Variants in PDSS2 observed in about 807,000 individuals in gnomAD.
PDSS2 encodes the protein decaprenyl diphosphate synthase subunit 2, also known as all trans-polyprenyl-diphosphate synthase PDSS2.
PDSS2 carries 31 observed loss-of-function variants against 44.5 expected under a neutral mutation model. The ratio of observed to expected loss-of-function variants is 0.70; its 90% CI spans 0.52 to 0.94. PDSS2 has a LOEUF of 0.94. Ranked by LOEUF, PDSS2 falls within the 40% of genes least tolerant of loss-of-function variation. PDSS2 has a pLI of 0.00. For synonymous variants in PDSS2, 157 were observed against 180.3 expected (o/e 0.87, Z 1.03); for missense variants, 452 against 482.2 (o/e 0.94, Z 0.59).
chr6:107,192,243 A>G (rs1297739122), intron 7 of PDSS2: 1 of 368,478 alleles, frequency 2.7e-6, no homozygotes, highest in East Asian at 7.2e-5. Context: ...CCCTTGGTTT[A>G]CAGGTGCTCC....
intron 2 of PDSS2, among the ~76,000 whole-genome samples, chr6:107,332,240 G>A (rs989770820): frequency 9.9e-5 from 15 of 151,966 alleles, no homozygotes; most frequent in African/African-American, 3.1e-4. Flanking sequence ...GAATAGCTGG[G>A]ACTACAGGCA....
chr6:107,423,577 A>G (rs1780894521), intron 1 of PDSS2, among the ~76,000 whole-genome samples: 1 of 152,188 alleles, frequency 6.6e-6, no homozygotes, highest in South Asian at 2.1e-4. Context: ...TCCAAGTTTA[A>G]TAATAAAATA....
intron 2 of PDSS2, among the ~76,000 whole-genome samples, chr6:107,309,421 A>G (rs1562452332): frequency 6.6e-6 from 1 of 152,120 alleles, no homozygotes; most frequent in Admixed American, 6.6e-5. Context: ...TACAGACAAC[A>G]CTCTGGCAAG....
chr6:107,227,452 C>T (rs1773873556), intron 4 of PDSS2, among the ~76,000 whole-genome samples: 1 of 149,184 alleles, frequency 6.7e-6, no homozygotes, highest in African/African-American at 2.5e-5. Flanking sequence ...CCACACTTGG[C>T]TAATTTTTAT....
intron 3 of PDSS2, among the ~76,000 whole-genome samples, chr6:107,251,916 A>C (rs1173079892): frequency 6.6e-6 from 1 of 152,200 alleles, no homozygotes; most frequent in East Asian, 1.9e-4. Context: ...TAGAGGGACT[A>C]AAGAGTGGCA....
At chr6:107,251,962 T>C (rs1774835308) in intron 3 of PDSS2, among the ~76,000 whole-genome samples, 1 of 152,216 alleles carries the variant, frequency 6.6e-6, no homozygotes, top group Non-Finnish European at 1.5e-5. Context: ...GTCTAACATT[T>C]GTAAAGCACT....
intron 4 of PDSS2, among the ~76,000 whole-genome samples, chr6:107,216,135 C>CA (rs935099763): frequency 1.3e-5 from 2 of 148,674 alleles, no homozygotes; most frequent in East Asian, 2.0e-4. Flanking sequence ...AGACCCTGTC[C>CA]AAAAAAACCC....
chr6:107,239,634 C>CTTTTTTTTTTTTTTTT, intron 4 of PDSS2, among the ~76,000 whole-genome samples: 1 of 76,926 alleles, frequency 1.3e-5, no homozygotes, highest in Non-Finnish European at 2.3e-5. Context: ...TGTACTCTAC[C>CTTTTTTTTTTTTTTTT]TTTTTTTTTT....
intron 3 of PDSS2, among the ~76,000 whole-genome samples, chr6:107,247,341 A>T (rs547672812): frequency 6.6e-6 from 1 of 152,366 alleles, no homozygotes; most frequent in Admixed American, 6.5e-5. Flanking sequence ...GCTCTGGATA[A>T]CCAGAGTGTT....
intron 2 of PDSS2, among the ~76,000 whole-genome samples, chr6:107,274,789 C>G (rs76919636): frequency 0.12 from 17,753 of 150,746 alleles, 1,216 homozygotes; most frequent in South Asian, 0.18. Flanking sequence ...CTTCCCACTT[C>G]AGCCTCCCGA....
chr6:107,247,395 A>G (rs550032013), intron 3 of PDSS2, among the ~76,000 whole-genome samples: 1 of 152,318 alleles, frequency 6.6e-6, no homozygotes, highest in East Asian at 1.9e-4. Flanking sequence ...AGCAACAAGA[A>G]CATTTTGTTC....
intron 7 of PDSS2, chr6:107,192,622 T>C (rs1582763729): frequency 9.3e-6 from 2 of 214,762 alleles, no homozygotes; most frequent in East Asian, 1.4e-4. Context: ...ACATCAGAGC[T>C]ACCTGAAGAA....
At chr6:107,442,942 T>G (rs1286793373) in intron 1 of PDSS2, among the ~76,000 whole-genome samples, 5 of 152,240 alleles carry the variant, frequency 3.3e-5, no homozygotes, top group Admixed American at 1.3e-4. Context: ...GCCACTCTAT[T>G]GTTTATGTCT....
At chr6:107,442,517 A>G (rs1781540611) in intron 1 of PDSS2, among the ~76,000 whole-genome samples, 1 of 152,224 alleles carries the variant, frequency 6.6e-6, no homozygotes, top group Admixed American at 6.5e-5. Flanking sequence ...CTGAGAGATG[A>G]GAAACCCCTA....
chr6:107,273,361 G>C (rs966595637), intron 3 of PDSS2, among the ~76,000 whole-genome samples: 1 of 151,926 alleles, frequency 6.6e-6, no homozygotes, highest in Admixed American at 6.6e-5. Flanking sequence ...TTAACCCTTT[G>C]AACCACTTCT....
chr6:107,237,235 T>TTTTATTTA (rs141596909), intron 4 of PDSS2, among the ~76,000 whole-genome samples: 3 of 151,724 alleles, frequency 2.0e-5, no homozygotes, highest in African/African-American at 7.3e-5. Flanking sequence ...TCCTGGCCTC[T>TTTTATTTA]TTTATTTATT....
At chr6:107,269,444 A>G (rs1271201474) in intron 3 of PDSS2, among the ~76,000 whole-genome samples, 3 of 151,700 alleles carry the variant, frequency 2.0e-5, no homozygotes, top group South Asian at 2.1e-4. Context: ...AATCGCAACT[A>G]CAGAACTGAA....
intron 1 of PDSS2, among the ~76,000 whole-genome samples, chr6:107,335,161 C>CAAA (rs765731620): frequency 3.4e-4 from 22 of 64,148 alleles, no homozygotes; most frequent in African/African-American, 9.7e-4. Flanking sequence ...ACTCTGTTTC[C>CAAA]AAAAAAAAAA....
chr6:107,348,769 G>A (rs1340155198), intron 1 of PDSS2, among the ~76,000 whole-genome samples: 1 of 152,092 alleles, frequency 6.6e-6, no homozygotes. Flanking sequence ...ACTCAATGTT[G>A]GCCACTTTAT....
Sources: gnomAD v4.1 joint callset for allele counts (sites outside exome capture counted in the v4.1 genomes callset) on GRCh38, gnomAD v4.1.1 for gene constraint, MANE v1.5 for transcripts, NCBI Gene and HGNC (gene_info 2026-07-23, HGNC 2026-07-21) for gene names.